Variants in CSMD1 observed in about 807,000 individuals in gnomAD.
CSMD1 encodes the protein CUB and Sushi multiple domains 1, also known as CUB and sushi domain-containing protein 1.
In CSMD1, 213 loss-of-function variants were observed where a neutral mutation model predicts 417.5. That is an observed-to-expected ratio of 0.51 (90% CI 0.46 to 0.57). CSMD1 has a LOEUF of 0.57. CSMD1 is among the 20% of genes least tolerant of loss of function. The pLI, the probability that CSMD1 is intolerant of heterozygous loss-of-function variation, is 0.00. For missense variants in CSMD1, 6,923 were observed against 4,529.7 expected (o/e 1.53, Z -15.17); for synonymous variants, 2,862 against 1,736.8 (o/e 1.65, Z -16.11).
At chr8:3,094,316 G>C (rs1815152987) in intron 47 of CSMD1, among the ~76,000 whole-genome samples, 1 of 151,988 alleles carries the variant, frequency 6.6e-6, no homozygotes, top group Non-Finnish European at 1.5e-5. Flanking sequence ...CGCTGGCCAG[G>C]CTGGTCTCAA....
chr8:3,549,294 C>T (rs377595699), intron 10 of CSMD1, among the ~76,000 whole-genome samples: 1 of 152,226 alleles, frequency 6.6e-6, no homozygotes, highest in Non-Finnish European at 1.5e-5. Flanking sequence ...CCTGCAAAAT[C>T]TAAACCATTT....
chr8:4,751,445 C>T (rs1049745689), intron 1 of CSMD1, among the ~76,000 whole-genome samples: 16 of 152,034 alleles, frequency 1.1e-4, no homozygotes, highest in African/African-American at 3.1e-4. Context: ...AATTTGATTT[C>T]CTCAGTAGTT....
rs184881513 is a variant in CSMD1 at position 3,099,884 on chromosome 8, G to C, written c.6950-2847C>G. ...TTCTACAATTCTCTCCAACCAAAGA[G>C]GTAGCAGATAATTTGTAGAGAATTT... On this transcript the variant is annotated intron_variant, in intron 46 of 69. Transcript: ENST00000635120. Among the ~76,000 whole-genome samples the C allele has an allele frequency of 4.6e-3, 698 of 152,222 alleles. 4 individuals are homozygous for C. The highest frequency in any genetic ancestry group is 0.015 in the African/African-American group (643 of 41,544).
chr8:4,910,804 T>C (rs1805614591), intron 1 of CSMD1, among the ~76,000 whole-genome samples: 1 of 152,200 alleles, frequency 6.6e-6, no homozygotes, highest in African/African-American at 2.4e-5. Flanking sequence ...AGTCATCCAA[T>C]TGATAAATGT....
chr8:3,188,661 A>G (rs1264380375), intron 35 of CSMD1, among the ~76,000 whole-genome samples: 2 of 151,132 alleles, frequency 1.3e-5, no homozygotes, highest in Non-Finnish European at 3.0e-5. Flanking sequence ...TAAAAAATTG[A>G]TTATATTTAT....
chr8:3,349,533 C>A (rs1169919883), intron 21 of CSMD1, among the ~76,000 whole-genome samples: 1 of 151,802 alleles, frequency 6.6e-6, no homozygotes, highest in Non-Finnish European at 1.5e-5. Flanking sequence ...TTGGATGTGG[C>A]TCTCGGGGTG....
At chr8:3,582,091 G>T (rs1800406955) in intron 9 of CSMD1, among the ~76,000 whole-genome samples, 1 of 152,164 alleles carries the variant, frequency 6.6e-6, no homozygotes, top group Admixed American at 6.5e-5. Flanking sequence ...CACCGCGCTG[G>T]CCAATGCTGT....
At chr8:4,555,803 C>G (rs975818943) in intron 2 of CSMD1, among the ~76,000 whole-genome samples, 1 of 151,972 alleles carries the variant, frequency 6.6e-6, no homozygotes, top group Non-Finnish European at 1.5e-5. Context: ...AATTAGAAAA[C>G]CTATTAGCTT....
At position 3,188,997 on chromosome 8, in the gene CSMD1, T is replaced by C. The variant is rs1272530189; in HGVS notation, c.5413A>G (p.Asn1805Asp). The change falls in exon 35 of 70, where the codon AAT (asparagine) becomes GAT (aspartate). Residue 1805 changes from asparagine (N) to aspartate (D), a missense_variant. By Grantham distance (23) the Asn-to-Asp change is conservative. Transcript: ENST00000635120. ...ATTGTACCTCTTCGTTGAGTGAAATTGCCACTGCAGGGTACTAAAAGACAC... is the reference window on the plus strand; with the variant it reads ...ATTGTACCTCTTCGTTGAGTGAAATCGCCACTGCAGGGTACTAAAAGACAC... ...IPSCVVPCSG[N>D]FTQRRGTILS... 4 of 1,613,228 alleles carry C rather than the reference T, an allele frequency of 2.5e-6. No homozygotes were observed. The highest frequency in any genetic ancestry group is 3.4e-6 in the Non-Finnish European group (4 of 1,179,504).
At chr8:3,172,381 G>A (rs1024583194) in intron 37 of CSMD1, among the ~76,000 whole-genome samples, 1 of 151,866 alleles carries the variant, frequency 6.6e-6, no homozygotes, top group Non-Finnish European at 1.5e-5. Flanking sequence ...TTTTTTCTAG[G>A]GATACTTTTA....
chr8:3,588,658 C>A (rs1374154419), intron 8 of CSMD1, among the ~76,000 whole-genome samples: 2 of 152,094 alleles, frequency 1.3e-5, no homozygotes, highest in African/African-American at 4.8e-5. Context: ...AAATTGTATT[C>A]TGTTTTGAGA....
chr8:3,979,063 T>C (rs1813655196), intron 5 of CSMD1, among the ~76,000 whole-genome samples: 1 of 152,160 alleles, frequency 6.6e-6, no homozygotes, highest in African/African-American at 2.4e-5. Context: ...CTCCTTTCCT[T>C]CAGATGTGCA....
At chr8:4,913,483 G>C (rs182055385) in intron 1 of CSMD1, among the ~76,000 whole-genome samples, 58 of 152,196 alleles carry the variant, frequency 3.8e-4, no homozygotes, top group African/African-American at 1.3e-3. Flanking sequence ...GCATCAAATA[G>C]AGAATGAAAA....
chr8:4,666,440 G>A (rs572184953), intron 1 of CSMD1, among the ~76,000 whole-genome samples: 9 of 152,104 alleles, frequency 5.9e-5, no homozygotes, highest in Non-Finnish European at 1.0e-4. Context: ...CAGCACAGGA[G>A]ACAAGCAATG....
intron 3 of CSMD1, among the ~76,000 whole-genome samples, chr8:4,088,471 T>C (rs1585288110): frequency 6.6e-6 from 1 of 152,208 alleles, no homozygotes; most frequent in South Asian, 2.1e-4. Flanking sequence ...TTCCCCAACA[T>C]CTCTCTTCAC....
intron 5 of CSMD1, among the ~76,000 whole-genome samples, chr8:3,949,549 T>C (rs80325192): frequency 0.014 from 2,198 of 152,208 alleles, 21 homozygotes; most frequent in Middle Eastern, 0.041. Context: ...GTGTGTCTAA[T>C]TTGGGGTTAT....
intron 30 of CSMD1, among the ~76,000 whole-genome samples, chr8:3,209,521 A>T (rs1797483848): frequency 1.3e-5 from 2 of 151,988 alleles, no homozygotes; most frequent in South Asian, 4.2e-4. Flanking sequence ...GGGTTTCACC[A>T]TGTTAGCCAG....
At chr8:3,623,323 C>T (rs751885072) in intron 7 of CSMD1, among the ~76,000 whole-genome samples, 10 of 152,092 alleles carry the variant, frequency 6.6e-5, no homozygotes, top group Non-Finnish European at 1.0e-4. Flanking sequence ...GAGGACATGC[C>T]ATGTAAGTAT....
rs144349314 is a variant in CSMD1 at position 4,266,608 on chromosome 8, G to T, written c.415+153345C>A. Among the ~76,000 whole-genome samples, 2 of 104,660 alleles carry T rather than the reference G, an allele frequency of 1.9e-5. 1 individual carries two copies. The highest frequency in any genetic ancestry group is 5.2e-5 in the Non-Finnish European group (2 of 38,796). 68.7% of individuals were successfully genotyped at this position (104,660 alleles called of 152,430 possible). A position where few individuals can be genotyped will look rare whatever the true frequency, so the allele number is the denominator to read the frequency against. On this transcript the variant is annotated intron_variant, in intron 3 of 69. Transcript: ENST00000635120. ...ATACAGGTATGTCCCCACTAATGGCGTAAAGTGACCTGTCCTGCAGTTGAA... is the reference window on the plus strand; with the variant it reads ...ATACAGGTATGTCCCCACTAATGGCTTAAAGTGACCTGTCCTGCAGTTGAA...
Sources: allele counts gnomAD v4.1 joint callset (sites outside exome capture counted in the v4.1 genomes callset), GRCh38; gene constraint gnomAD v4.1.1; transcripts MANE v1.5; gene names NCBI Gene and HGNC (gene_info 2026-07-23, HGNC 2026-07-21).